Variants in CYB561 observed in about 807,000 individuals in gnomAD.
The protein encoded by CYB561 is transmembrane ascorbate-dependent reductase CYB561.
Under a neutral mutation model 25.3 loss-of-function variants are expected in CYB561, and 11 were observed. The ratio of observed to expected loss-of-function variants is 0.44; its 90% confidence interval spans 0.27 to 0.72. CYB561 has a LOEUF of 0.72. Among genes scored for constraint, CYB561 ranks in the 30% least tolerant of loss-of-function variants. The pLI is 0.18. For missense variants in CYB561, 295 were observed against 334.9 expected (o/e 0.88, Z 0.93); for synonymous variants, 165 against 158.8 (o/e 1.04, Z -0.29).
At chr17:63,446,449 G>A (rs1395104536), upstream of CYB561, 1 of 151,920 alleles carries the variant, frequency 6.6e-6, no homozygotes, top group Non-Finnish European at 1.5e-5. Context: ...TCGGGACCGG[G>A]CCCTGCCAGC....
intron 1 of CYB561, 87 bp from the exon 2 acceptor site, chr17:63,437,647 T>C (rs1599118143): frequency 1.0e-6 from 1 of 969,716 alleles, no homozygotes; most frequent in Admixed American, 2.8e-5. Flanking sequence ...CCCCCCAAGA[T>C]GCGCACAGGC....
chr17:63,437,090 T>C (rs576732745), intron 2 of CYB561: 65 of 531,330 alleles, frequency 1.2e-4, no homozygotes, highest in Non-Finnish European at 2.1e-4. Flanking sequence ...CTGCAAGAAG[T>C]GCCCGCCTTG....
chr17:63,437,179 G>T lies in CYB561; in HGVS notation c.202+167C>A, dbSNP rs898139477. 4 of 620,042 alleles carry T rather than the reference G, an allele frequency of 6.5e-6. No homozygotes were observed. In the African/African-American group the frequency reaches 7.4e-5, roughly 11 times the overall value. 38.4% of individuals were successfully genotyped at this position (620,042 alleles called of 1,614,324 possible). A position where few individuals can be genotyped will look rare whatever the true frequency, so the allele number is the denominator to read the frequency against. ...GCCACTCACCAACCTCAGAGCCTGG[G>T]TTTGGATTCCATCTCCCCAGGCTCT... On this transcript the variant is annotated intron_variant, in intron 2 of 5. Transcript: ENST00000360793.
At chr17:63,442,465 G>A (rs1307552206) in intron 1 of CYB561, among the ~76,000 whole-genome samples, 1 of 152,142 alleles carries the variant, frequency 6.6e-6, no homozygotes, top group East Asian at 1.9e-4. Context: ...AGTCTTGACA[G>A]CAAGAATACT....
intron 1 of CYB561, among the ~76,000 whole-genome samples, chr17:63,445,665 G>A (rs532992946): frequency 1.3e-5 from 2 of 152,282 alleles, no homozygotes; most frequent in African/African-American, 4.8e-5. Context: ...CAGCGCAGTT[G>A]GCACCGGCCT....
At position 63,434,038 on chromosome 17, in the gene CYB561, A is replaced by C. The variant is rs1001983656; in HGVS notation, c.*364T>G. The C allele has an allele frequency of 7.9e-6, 2 of 252,072 alleles. No individual in the cohort carries two copies. Among genetic ancestry groups the C allele is most frequent in the South Asian group, 1.5e-4 (1 of 6,596 alleles). 15.6% of individuals were successfully genotyped at this position (252,072 alleles called of 1,614,324 possible). ...CCAGGCCTGTCCCTGAGGCCCCCCC[A>C]GTTTCCCCTGGCCTTGCCCCAGGCA... On this transcript the variant is annotated 3_prime_UTR_variant, in exon 6 of 6. Coordinates refer to ENST00000360793, the MANE Select transcript of CYB561 (RefSeq NM_001915.4).
At chr17:63,437,618 C>T (rs574342712) in intron 1 of CYB561, 58 bp from the exon 2 acceptor site, 2 of 1,432,574 alleles carry the variant, frequency 1.4e-6, no homozygotes, top group East Asian at 4.9e-5. Context: ...ATGCGCACAG[C>T]CCCCGCGGAT....
At chr17:63,444,012 AT>A (rs11324325) in intron 1 of CYB561, among the ~76,000 whole-genome samples, 36,388 of 148,110 alleles carry the variant, frequency 0.25, 4,360 homozygotes, top group South Asian at 0.31. Context: ...ATTTTTATTA[AT>A]TTTTTTTTTT....
At chr17:63,445,026 A>AT (rs1376146716) in intron 1 of CYB561, among the ~76,000 whole-genome samples, 1 of 152,206 alleles carries the variant, frequency 6.6e-6, no homozygotes, top group Non-Finnish European at 1.5e-5. Flanking sequence ...AAATGCAAAA[A>AT]TTAGCTGCGT....
rs1409327434 is a variant in CYB561, at chr17:63,435,605, TGA to T, written c.405+81_405+82del. The T allele has an allele frequency of 2.8e-6, 3 of 1,088,632 alleles. No homozygotes were observed. In the Admixed American group the frequency reaches 5.4e-5, roughly 20 times the overall value. 67.4% of individuals were successfully genotyped at this position (1,088,632 alleles called of 1,614,324 possible). On this transcript the variant is annotated intron_variant, in intron 4 of 5. Coordinates refer to ENST00000360793, the MANE Select transcript of CYB561 (RefSeq NM_001915.4). ...ACACCCCAGAAATCAGGCCCTTCCA[TGA>T]GGTACATTTCAGCCCAGCTCCCCTC...
intron 4 of CYB561, 89 bp downstream of exon 4, chr17:63,435,599 C>T: frequency 1.9e-6 from 2 of 1,063,036 alleles, no homozygotes; most frequent in Non-Finnish European, 2.9e-6. Context: ...AAATCAGGCC[C>T]TTCCATGAGG....
rs749022383 is a variant in CYB561, at chr17:63,438,115, G to A, written c.-13-555C>T. The stretch of plus-strand genomic sequence containing the variant: ...GGGCCCAGCCTCCCCACGGGGACAG[G>A]CGTGACCTGGGACACGACGCCAGGA... On this transcript the variant is annotated intron_variant, in intron 1 of 5. Coordinates refer to ENST00000360793, the MANE Select transcript of CYB561 (RefSeq NM_001915.4). 3 of 1,534,744 alleles carry A rather than the reference G, an allele frequency of 2.0e-6. No individual in the cohort carries two copies. In the South Asian group the frequency reaches 3.6e-5, roughly 18 times the overall value.
intron 1 of CYB561, chr17:63,437,970 G>GGCCCCCCCCCCCCC: frequency 6.2e-5 from 40 of 643,036 alleles, no homozygotes; most frequent in South Asian, 2.4e-4. Flanking sequence ...TCCCACGGCG[G>GGCCCCCCCCCCCCC]CCCCGCCACC....
At chr17:63,437,825 C>T in intron 1 of CYB561, 1 of 502,824 alleles carries the variant, frequency 2.0e-6, no homozygotes, top group Non-Finnish European at 3.5e-6. Flanking sequence ...CGCACAGCCA[C>T]CCCGCTAGAT....
Position 63,436,136 on chromosome 17 carries a change from A to G in CYB561, c.219T>C (p.Arg73=), listed in dbSNP as rs1208886733. The G allele has an allele frequency of 1.4e-5, 23 of 1,614,066 alleles. No homozygotes were observed. Among genetic ancestry groups the G allele is most frequent in the Non-Finnish European group, 1.9e-5 (23 of 1,179,950 alleles). The change falls in exon 3 of 6, where the codon CGT becomes CGC. Residue 73 remains arginine, a synonymous_variant. Transcript: ENST00000360793. This position sits in a 1 kb window ranked among gnomAD's most constrained non-coding sequence, Gnocchi z 4.8. Reference sequence around the variant, plus strand: ...TGCGTTTAGCTTCGTTCCTGAAGACACGGTAAACCAGCAGGGCTGTGGGAG... The same window carrying G: ...TGCGTTTAGCTTCGTTCCTGAAGACGCGGTAAACCAGCAGGGCTGTGGGAG... ...FLQGNALLVY[R]VFRNEAKRTT...
chr17:63,435,125 G>A lies in CYB561; in HGVS notation c.524C>T (p.Ala175Val). ...ATIFLLSVGT[A>V]LLGLKEALLF... The stretch of plus-strand genomic sequence containing the variant: ...CAGTGCCTCCTTCAGGCCCAGCAGG[G>A]CGGTGCCCACGGAAAGGAGGAAGAT... Residue 175 changes from alanine to valine, a missense_variant, in exon 5 of 6, where the codon GCC (alanine) becomes GTC (valine). By Grantham distance (64) the Ala-to-Val change is moderately conservative (BLOSUM62 0). Coordinates refer to ENST00000360793, the MANE Select transcript of CYB561 (RefSeq NM_001915.4). 6.2e-7 allele frequency: 1 copy of A among 1,614,170 alleles called. No individual in the cohort carries two copies. The highest frequency in any genetic ancestry group is 8.5e-7 in the Non-Finnish European group (1 of 1,180,026).
intron 1 of CYB561, among the ~76,000 whole-genome samples, chr17:63,444,349 T>C (rs1451243885): frequency 6.6e-6 from 1 of 152,246 alleles, no homozygotes. Flanking sequence ...GCCAAGTCCC[T>C]TCTCCAAGCC....
Position 63,436,994 on chromosome 17 carries a change from A to C in CYB561, c.202+352T>G. ...CGCGCGCACGCACGCACGCATACAA[A>C]CTCTCACATATGATTACTTTTTTTC... is the stretch of plus-strand genomic sequence containing the variant. On this transcript the variant is annotated intron_variant, in intron 2 of 5. Coordinates refer to ENST00000360793, the MANE Select transcript of CYB561 (RefSeq NM_001915.4). The surrounding 1 kb of genome is among the most constrained non-coding windows in gnomAD (Gnocchi z 4.8). 3.1e-6 allele frequency: 1 copy of C among 325,882 alleles called. No homozygotes were observed. Among genetic ancestry groups the C allele is most frequent in the Non-Finnish European group, 5.8e-6 (1 of 173,818 alleles). The allele number at this position is 325,882 out of a possible 1,614,324, so 20.2% of individuals were successfully genotyped here.
rs2147485258 is a variant in CYB561, at chr17:63,433,155, C to G, written c.*1247G>C. ...TCACACCATTCTCCTGCCTCAGCCTCCCAAGTAGCTGGGACTACAGGCGCC... is the reference window on the plus strand; with the variant it reads ...TCACACCATTCTCCTGCCTCAGCCTGCCAAGTAGCTGGGACTACAGGCGCC... On this transcript the variant is annotated 3_prime_UTR_variant, in exon 6 of 6. Transcript: ENST00000360793. 2 of 360,432 alleles carry G rather than the reference C, an allele frequency of 5.5e-6. No individual in the cohort carries two copies. The highest frequency in any genetic ancestry group is 8.2e-5 in the East Asian group (2 of 24,466). The allele number at this position is 360,432 out of a possible 1,614,324, so 22.3% of individuals were successfully genotyped here.
Sources: allele counts gnomAD v4.1 joint callset (sites outside exome capture counted in the v4.1 genomes callset), GRCh38; gene constraint gnomAD v4.1.1; non-coding constraint Gnocchi (gnomAD v3.1); transcripts MANE v1.5; gene names NCBI Gene and HGNC (gene_info 2026-07-23, HGNC 2026-07-21).